Variants in ARL1 observed in about 807,000 individuals in gnomAD.
ARL1 encodes ADP-ribosylation factor-like protein 1.
ARL1 carries 17 observed loss-of-function variants against 30.1 expected under a neutral mutation model. The ratio of observed to expected loss-of-function variants is 0.56; its 90% confidence interval spans 0.39 to 0.85. ARL1 has a LOEUF of 0.85. ARL1 is among the 40% of genes least tolerant of loss of function. The pLI is 0.00. For synonymous variants in ARL1, 58 were observed against 71.7 expected (o/e 0.81, Z 0.97); for missense variants, 102 against 212.6 (o/e 0.48, Z 3.24).
intron 2 of ARL1, 87 bp from the exon 3 acceptor site, chr12:101,403,033 T>C (rs1871345490): frequency 1.4e-6 from 1 of 725,090 alleles, no homozygotes; most frequent in African/African-American, 1.8e-5. Flanking sequence ...CAGCAATTAA[T>C]GGTAACTGTT....
chr12:101,398,488 C>G (rs575046902), intron 4 of ARL1, among the ~76,000 whole-genome samples: 3 of 152,116 alleles, frequency 2.0e-5, no homozygotes, highest in Admixed American at 6.6e-5. Flanking sequence ...CTCACTCCAT[C>G]ACTCAGGTTG....
At chr12:101,404,100 T>C (rs1042845411) in intron 2 of ARL1, among the ~76,000 whole-genome samples, 2 of 152,214 alleles carry the variant, frequency 1.3e-5, no homozygotes, top group African/African-American at 4.8e-5. Context: ...AACAATACTA[T>C]GACAAATTTG....
chr12:101,396,729 AAAG>A (rs1335340391), intron 4 of ARL1, among the ~76,000 whole-genome samples, 152 bp from the exon 5 acceptor site: 1 of 152,176 alleles, frequency 6.6e-6, no homozygotes, highest in East Asian at 1.9e-4. Context: ...AGTATAAAGA[AAAG>A]AAGCTTCACT....
intron 1 of ARL1, 71 bp downstream of exon 1, chr12:101,407,568 TCTC>T: frequency 4.4e-6 from 7 of 1,595,432 alleles, no homozygotes; most frequent in Non-Finnish European, 6.0e-6. Flanking sequence ...GGCCGGCCCC[TCTC>T]CTCCTCTGCA....
Position 101,405,961 on chromosome 12 carries a change from A to G in ARL1, c.25T>C (p.Phe9Leu). ...TCCCGAGTTCCAAACAGACTGGAAAATATACTTGAGAAAAAGCCACCTAAA... is the reference window on the plus strand; with the variant it reads ...TCCCGAGTTCCAAACAGACTGGAAAGTATACTTGAGAAAAAGCCACCTAAA... MGGFFSSI[F>L]SSLFGTREMR... Residue 9 changes from phenylalanine to leucine, a missense_variant, in exon 2 of 6, where the codon TTT becomes CTT. Physicochemically the swap from Phe to Leu is conservative, Grantham distance 22. Coordinates refer to ENST00000261636, the MANE Select transcript of ARL1 (RefSeq NM_001177.6). The G allele has an allele frequency of 6.4e-7, 1 of 1,563,902 alleles. No homozygotes were observed. Among genetic ancestry groups the G allele is most frequent in the Non-Finnish European group, 8.7e-7 (1 of 1,155,084 alleles).
intron 2 of ARL1, among the ~76,000 whole-genome samples, chr12:101,405,281 T>C (rs572911117): frequency 6.6e-6 from 1 of 152,192 alleles, no homozygotes; most frequent in Non-Finnish European, 1.5e-5. Context: ...TTAATTAAAA[T>C]AGTAACAAAT....
At chr12:101,401,036 A>G in intron 4 of ARL1, 26 bp downstream of exon 4, 1 of 1,488,936 alleles carries the variant, frequency 6.7e-7, no homozygotes, top group Non-Finnish European at 9.4e-7. Context: ...ACTGCCCCAC[A>G]TTTTAAAGTG....
intron 4 of ARL1, among the ~76,000 whole-genome samples, chr12:101,399,509 TA>T (rs200979843): frequency 0.012 from 1,309 of 110,004 alleles, 1 homozygote; most frequent in African/African-American, 0.034. Flanking sequence ...AGACTCTGTC[TA>T]AAAAAAAAAA....
Position 101,401,415 on chromosome 12 carries a change from T to C in ARL1, c.225-242A>G, listed in dbSNP as rs186948379. The C allele has an allele frequency of 1.8e-4, 48 of 273,744 alleles. 1 individual carries two copies. The highest frequency in any genetic ancestry group is 5.5e-5 in the Non-Finnish European group (8 of 146,606). The allele number at this position is 273,744 out of a possible 1,614,324, so 17.0% of individuals were successfully genotyped here. A position where few individuals can be genotyped will look rare whatever the true frequency, so the allele number is the denominator to read the frequency against. Reference sequence around the variant, plus strand: ...ATTTTAGGAGGCTGAGGAGGGCAGATCAACTGAGGTCGGGAGTTCGAGACC... The same window carrying C: ...ATTTTAGGAGGCTGAGGAGGGCAGACCAACTGAGGTCGGGAGTTCGAGACC... On this transcript the variant is annotated intron_variant, in intron 3 of 5. Transcript: ENST00000261636.
chr12:101,404,998 A>G (rs1429887066), intron 2 of ARL1, among the ~76,000 whole-genome samples: 7 of 152,046 alleles, frequency 4.6e-5, no homozygotes, highest in Non-Finnish European at 8.8e-5. Context: ...CAGCCTTCCG[A>G]GTAGTTGGGA....
rs1040089604 is a variant in ARL1 at position 101,393,910 on chromosome 12, A to ATGACAAATATCTATCC, written c.*1714_*1729dup. On this transcript the variant is annotated 3_prime_UTR_variant, in exon 6 of 6. Coordinates refer to ENST00000261636, the MANE Select transcript of ARL1 (RefSeq NM_001177.6). Reference sequence around the variant, plus strand: ...AAATTGCAAAGGGCTACTTGTCAAGATGACAAATATCTATCCTACTGTTTC... The same window carrying ATGACAAATATCTATCC: ...AAATTGCAAAGGGCTACTTGTCAAGATGACAAATATCTATCCTGACAAATATCTATCCTACTGTTTC... The ATGACAAATATCTATCC allele has an allele frequency of 1.2e-4, 18 of 151,928 alleles. No homozygotes were observed. The highest frequency in any genetic ancestry group is 3.9e-4 in the African/African-American group (16 of 41,342). The allele number at this position is 151,928 out of a possible 1,614,324, so 9.4% of individuals were successfully genotyped here.
chr12:101,398,749 G>A (rs911540398), intron 4 of ARL1, among the ~76,000 whole-genome samples: 2 of 152,056 alleles, frequency 1.3e-5, no homozygotes, highest in African/African-American at 4.8e-5. Flanking sequence ...GTGTCTATAT[G>A]TTTTAACATT....
Position 101,393,626 on chromosome 12 carries a change from C to T in ARL1, c.*2014G>A, listed in dbSNP as rs890111336. ...TATTTAAGTGTCCACTTTCTTTATC[C>T]CATCCTATTCTTTGTGATAAACCAG... On this transcript the variant is annotated 3_prime_UTR_variant, in exon 6 of 6. Transcript: ENST00000261636. The T allele has an allele frequency of 7.9e-5, 12 of 152,130 alleles. No individual in the cohort carries two copies. Among genetic ancestry groups the T allele is most frequent in the Non-Finnish European group, 1.8e-4 (12 of 68,036 alleles). 9.4% of individuals were successfully genotyped at this position (152,130 alleles called of 1,614,324 possible).
chr12:101,405,952 G>A lies in ARL1; in HGVS notation c.34C>T (p.Leu12=), dbSNP rs2121128371. The change falls in exon 2 of 6, where the codon CTG becomes TTG. Residue 12 remains leucine, a synonymous_variant. Transcript: ENST00000261636. ...GGFFSSIFSS[L]FGTREMRILI... ...ATTCTCATTTCCCGAGTTCCAAACA[G>A]ACTGGAAAATATACTTGAGAAAAAG... 1.3e-6 allele frequency: 2 copies of A among 1,568,334 alleles called. No individual in the cohort carries two copies. Among genetic ancestry groups the A allele is most frequent in the East Asian group, 2.3e-5 (1 of 43,172 alleles).
rs896632148 is a variant in ARL1, at chr12:101,393,526, A to G, written c.*2114T>C. 3.9e-5 allele frequency: 6 copies of G among 152,192 alleles called. No homozygotes were observed. Among genetic ancestry groups the G allele is most frequent in the African/African-American group, 1.2e-4 (5 of 41,448 alleles). The allele number at this position is 152,192 out of a possible 1,614,324, so 9.4% of individuals were successfully genotyped here. A position where few individuals can be genotyped will look rare whatever the true frequency, so the allele number is the denominator to read the frequency against. On this transcript the variant is annotated 3_prime_UTR_variant, in exon 6 of 6. Coordinates refer to ENST00000261636, the MANE Select transcript of ARL1 (RefSeq NM_001177.6). ...AACAATATTCAGATTTGCCATGTAT[A>G]TATCAATATCCAAACGCTGGTAGTA...
At chr12:101,399,921 AT>A (rs992019085) in intron 4 of ARL1, among the ~76,000 whole-genome samples, 2 of 151,286 alleles carry the variant, frequency 1.3e-5, no homozygotes, top group African/African-American at 4.9e-5. Context: ...AAACAAATAT[AT>A]TTTTTTTTAA....
chr12:101,407,308 G>A (rs548654761), intron 1 of ARL1: 36 of 333,986 alleles, frequency 1.1e-4, no homozygotes, highest in African/African-American at 7.4e-4. Flanking sequence ...GCCTCCGCAA[G>A]AACAACTCTG....
chr12:101,401,595 C>CATT lies in ARL1; in HGVS notation c.225-425_225-423dup, dbSNP rs1397800602. The CATT allele has an allele frequency of 4.8e-5, 6 of 125,548 alleles. No individual in the cohort carries two copies. In the East Asian group the frequency reaches 1.4e-3, roughly 30 times the overall value. 7.8% of individuals were successfully genotyped at this position (125,548 alleles called of 1,614,324 possible). On this transcript the variant is annotated intron_variant, in intron 3 of 5. Transcript: ENST00000261636. ...AGGTTCCAGTGAGCTGAGATGGTGC[C>CATT]ATTGCACTCCAGCCTGGGCAACAAG...
rs756550383 is a variant in ARL1 at position 101,401,015 on chromosome 12, A to G, written c.336+47T>C. Reference sequence around the variant, plus strand: ...TTTTTAATTATTCTTCAATGTAATAATATGTAAATGACTGCCCCACATTTT... The same window carrying G: ...TTTTTAATTATTCTTCAATGTAATAGTATGTAAATGACTGCCCCACATTTT... On this transcript the variant is annotated intron_variant, in intron 4 of 5. Transcript: ENST00000261636. The G allele has an allele frequency of 8.2e-6, 10 of 1,219,598 alleles. No individual in the cohort carries two copies. The South Asian group carries it at 1.2e-4, about 15-fold the overall frequency. 75.5% of individuals were successfully genotyped at this position (1,219,598 alleles called of 1,614,324 possible).
Sources: gnomAD v4.1 joint callset for allele counts (sites outside exome capture counted in the v4.1 genomes callset) on GRCh38, gnomAD v4.1.1 for gene constraint, MANE v1.5 for transcripts, NCBI Gene and HGNC (gene_info 2026-07-23, HGNC 2026-07-21) for gene names.